TECRL: variants seen among roughly 807,000 people sequenced by gnomAD.
TECRL encodes trans-2,3-enoyl-CoA reductase-like.
Under a neutral mutation model 52.8 loss-of-function variants are expected in TECRL, and 63 were observed. The ratio of observed to expected loss-of-function variants is 1.19; its 90% CI spans 0.97 to 1.47. The LOEUF (loss-of-function observed/expected upper bound fraction) is 1.47, where lower values mean the gene tolerates loss of function less well. Ranked by LOEUF, TECRL falls within the 40% of genes most tolerant of loss-of-function variation. TECRL has a pLI of 0.00. For synonymous variants in TECRL, 164 were observed against 141.9 expected, an observed-to-expected ratio of 1.16 and a Z score of -1.10; for missense variants, 482 against 429.6, an observed-to-expected ratio of 1.12 and a Z score of -1.08.
chr4:64,409,136 C>A lies in TECRL; in HGVS notation c.216G>T (p.Gln72His), dbSNP rs375333770. 3.2e-5 allele frequency: 52 copies of A among 1,610,632 alleles called. No individual in the cohort carries two copies. The highest frequency in any genetic ancestry group is 1.1e-4 in the African/African-American group (8 of 74,820). The change falls in exon 1 of 12, where the codon CAG becomes CAT. Residue 72 changes from glutamine (Q) to histidine (H), a missense_variant. Gln to His is a conservative substitution (Grantham distance 24). Transcript: ENST00000381210. ...AACTCACCTTATCCAGAATACATAT[C>A]TGTTTCCTTGTTTGAGCATCAAATA... is the stretch of plus-strand genomic sequence containing the variant. ...IEIFDAQTRKQICILDKVTQS... is the reference protein window; with the variant it reads ...IEIFDAQTRKHICILDKVTQS...
chr4:64,405,951 C>T (rs73821180), intron 1 of TECRL, among the ~76,000 whole-genome samples: 1,524 of 152,066 alleles, frequency 0.01, 24 homozygotes, highest in African/African-American at 0.033. Flanking sequence ...AAGTATTTGC[C>T]GTGCCTCACT....
chr4:64,351,579 A>G (rs1218821337), intron 2 of TECRL, among the ~76,000 whole-genome samples: 1 of 152,144 alleles, frequency 6.6e-6, no homozygotes, highest in African/African-American at 2.4e-5. Flanking sequence ...AGCCAAAGGG[A>G]CAACTTTAAA....
intron 7 of TECRL, 123 bp downstream of exon 7, chr4:64,305,043 A>G (rs564606765): frequency 4.2e-4 from 273 of 647,926 alleles, no homozygotes; most frequent in East Asian, 1.2e-3. Context: ...AAGAAATATG[A>G]TATGAAAGCA....
At chr4:64,290,587 T>A (rs771133488) in intron 8 of TECRL, among the ~76,000 whole-genome samples, 5 of 152,278 alleles carry the variant, frequency 3.3e-5, no homozygotes, top group African/African-American at 1.2e-4. Flanking sequence ...GTTATTAATC[T>A]CATAAAATAT....
chr4:64,383,982 T>C (rs1722997278), intron 1 of TECRL, among the ~76,000 whole-genome samples: 2 of 152,226 alleles, frequency 1.3e-5, no homozygotes, highest in Admixed American at 6.5e-5. Flanking sequence ...CTCTGTATGA[T>C]TTATGCTGTA....
chr4:64,314,611 G>C lies in TECRL; in HGVS notation c.551+37C>G, dbSNP rs762245665. 33 of 1,022,698 alleles carry C rather than the reference G, an allele frequency of 3.2e-5. 1 individual carries two copies. In the South Asian group the frequency reaches 4.0e-4, roughly 12 times the overall value. 63.4% of individuals were successfully genotyped at this position (1,022,698 alleles called of 1,614,324 possible). ...GTATGGTGTGTGTGTGTGTGTGTGT[G>C]TGTGTGTGTGTGTGTGTGTGTGTGT... On this transcript the variant is annotated intron_variant, in intron 5 of 11. Coordinates refer to ENST00000381210, the MANE Select transcript of TECRL (RefSeq NM_001010874.5).
At position 64,375,223 on chromosome 4, in the gene TECRL, C is replaced by T. The variant is rs2109680228; in HGVS notation, c.235G>A (p.Val79Met). 2.1e-6 allele frequency: 3 copies of T among 1,395,656 alleles called. No homozygotes were observed. The highest frequency in any genetic ancestry group is 1.9e-6 in the Non-Finnish European group (2 of 1,056,916). 86.5% of individuals were successfully genotyped at this position (1,395,656 alleles called of 1,614,324 possible). A position where few individuals can be genotyped will look rare whatever the true frequency, so the allele number is the denominator to read the frequency against. Reference sequence around the variant, plus strand: ...TCATGAATAGTAGATGATTGTGTCACCTGAAAAGGAAAAGAAAATAGAGTT... The same window carrying T: ...TCATGAATAGTAGATGATTGTGTCATCTGAAAAGGAAAAGAAAATAGAGTT... ...TRKQICILDK[V>M]TQSSTIHDVK... Residue 79 changes from valine to methionine, a missense_variant and splice_region_variant, in exon 2 of 12, where the codon GTG (valine) becomes ATG (methionine). Physicochemically the swap from Val to Met is conservative, Grantham distance 21. Coordinates refer to ENST00000381210, the MANE Select transcript of TECRL (RefSeq NM_001010874.5).
chr4:64,371,553 T>C (rs1171294974), intron 2 of TECRL, among the ~76,000 whole-genome samples: 1 of 151,584 alleles, frequency 6.6e-6, no homozygotes, highest in Non-Finnish European at 1.5e-5. Flanking sequence ...CTTCGCTTTA[T>C]CAATTTTTCA....
chr4:64,406,182 A>ATG (rs1380038012), intron 1 of TECRL, among the ~76,000 whole-genome samples: 17 of 96,272 alleles, frequency 1.8e-4, no homozygotes, highest in Non-Finnish European at 4.0e-4. Context: ...GTGTGTGTGT[A>ATG]TGTGTGTAAT....
intron 3 of TECRL, among the ~76,000 whole-genome samples, chr4:64,325,279 A>C (rs1718185992): frequency 6.6e-6 from 1 of 152,228 alleles, no homozygotes; most frequent in African/African-American, 2.4e-5. Flanking sequence ...ATCTGCGATG[A>C]GCACCCTTTC....
intron 8 of TECRL, among the ~76,000 whole-genome samples, chr4:64,297,084 C>A (rs1452720776): frequency 1.3e-5 from 2 of 151,402 alleles, no homozygotes; most frequent in African/African-American, 2.4e-5. Flanking sequence ...CAAATAGGAA[C>A]CTGATTTTAC....
At chr4:64,307,200 G>A (rs1724390523) in intron 6 of TECRL, among the ~76,000 whole-genome samples, 1 of 152,120 alleles carries the variant, frequency 6.6e-6, no homozygotes, top group South Asian at 2.1e-4. Flanking sequence ...GCTTTTTAAA[G>A]ATTTAAGGAC....
chr4:64,380,288 A>C (rs1461290319), intron 1 of TECRL, among the ~76,000 whole-genome samples: 2 of 151,908 alleles, frequency 1.3e-5, no homozygotes, highest in Admixed American at 1.3e-4. Flanking sequence ...GAGGTATTTT[A>C]GTTGCTTATT....
At chr4:64,367,054 A>C (rs941521827) in intron 2 of TECRL, among the ~76,000 whole-genome samples, 1 of 152,192 alleles carries the variant, frequency 6.6e-6, no homozygotes, top group Non-Finnish European at 1.5e-5. Context: ...CTATGCAGCC[A>C]TAAAAAAGAA....
intron 2 of TECRL, among the ~76,000 whole-genome samples, chr4:64,337,038 G>A (rs1719143166): frequency 6.6e-6 from 1 of 152,120 alleles, no homozygotes; most frequent in African/African-American, 2.4e-5. Context: ...TTGGTGCAGA[G>A]CTGAATTCAA....
At chr4:64,393,152 T>C (rs553288942) in intron 1 of TECRL, among the ~76,000 whole-genome samples, 17 of 152,126 alleles carry the variant, frequency 1.1e-4, no homozygotes, top group African/African-American at 3.9e-4. Context: ...AAATCTGTGA[T>C]ATAATTGATA....
intron 1 of TECRL, among the ~76,000 whole-genome samples, chr4:64,389,541 C>A (rs2109741639): frequency 6.6e-6 from 1 of 151,990 alleles, no homozygotes; most frequent in Middle Eastern, 3.4e-3. Context: ...AGAATTGTTA[C>A]ATCTATATTT....
At chr4:64,315,072 C>G (rs888452081) in intron 4 of TECRL, among the ~76,000 whole-genome samples, 1 of 151,890 alleles carries the variant, frequency 6.6e-6, no homozygotes, top group Admixed American at 6.6e-5. Context: ...TGTGTATTTG[C>G]CCAGTCCAAT....
intron 2 of TECRL, among the ~76,000 whole-genome samples, chr4:64,335,374 C>T (rs1182274984): frequency 1.3e-5 from 2 of 152,172 alleles, no homozygotes; most frequent in East Asian, 1.9e-4. Context: ...TCACTATCTC[C>T]TATCACCCCA....
Sources: allele counts gnomAD v4.1 joint callset (sites outside exome capture counted in the v4.1 genomes callset), GRCh38; gene constraint gnomAD v4.1.1; transcripts MANE v1.5; gene names NCBI Gene and HGNC (gene_info 2026-07-23, HGNC 2026-07-21).